Variants in MAPKAPK5 observed in about 807,000 individuals in gnomAD.
MAPKAPK5 encodes MAP kinase-activated protein kinase 5.
A neutral mutation model predicts 65.1 loss-of-function variants in MAPKAPK5; 30 were observed. The ratio of observed to expected loss-of-function variants is 0.46; its 90% confidence interval spans 0.34 to 0.63. MAPKAPK5 has a LOEUF of 0.63. Ranked by LOEUF, MAPKAPK5 falls within the 20% of genes least tolerant of loss-of-function variation. The pLI is 0.01. For missense variants in MAPKAPK5, 433 were observed against 581.4 expected (o/e 0.74, Z 2.63); for synonymous variants, 179 against 204.6 (o/e 0.87, Z 1.07).
At chr12:111,884,892 T>C (rs1472379244) in intron 9 of MAPKAPK5, among the ~76,000 whole-genome samples, 2 of 152,042 alleles carry the variant, frequency 1.3e-5, no homozygotes, top group Non-Finnish European at 2.9e-5. Context: ...AAGGTGGGGG[T>C]TGGGGGCAGG....
In MAPKAPK5 at chr12:111,883,964, C is replaced by T. The variant is rs948293638; in HGVS notation, c.848+196C>T. On this transcript the variant is annotated intron_variant, in intron 9 of 13. Coordinates refer to ENST00000550735, the MANE Select transcript of MAPKAPK5 (RefSeq NM_003668.4). The surrounding 1 kb of genome is among the most constrained non-coding windows in gnomAD (Gnocchi z 4.8). Reference sequence around the variant, plus strand: ...GGTGCGAATGAAGCTTTCCTCCCTCCTGTTGCATCCCTAGACTTTGTCCCC... The same window carrying T: ...GGTGCGAATGAAGCTTTCCTCCCTCTTGTTGCATCCCTAGACTTTGTCCCC... Among the ~76,000 whole-genome samples the T allele has an allele frequency of 2.0e-5, 3 of 152,226 alleles. No individual in the cohort carries two copies. Among genetic ancestry groups the T allele is most frequent in the Non-Finnish European group, 4.4e-5 (3 of 68,040 alleles).
rs1471493979 is a variant in MAPKAPK5 at position 111,901,306 on chromosome 12, G to A, written c.*8245G>A. 2 of 455,944 alleles carry A rather than the reference G, an allele frequency of 4.4e-6. No homozygotes were observed. The highest frequency in any genetic ancestry group is 8.8e-6 in the Non-Finnish European group (2 of 226,814). 28.2% of individuals were successfully genotyped at this position (455,944 alleles called of 1,614,324 possible). ...GGAGTTTGTAATGATTTAGGGCACTGCCACTGTAATGAAGGGCATGCCCCC... is the reference window on the plus strand; with the variant it reads ...GGAGTTTGTAATGATTTAGGGCACTACCACTGTAATGAAGGGCATGCCCCC... On this transcript the variant is annotated 3_prime_UTR_variant, in exon 14 of 14. Coordinates refer to ENST00000550735, the MANE Select transcript of MAPKAPK5 (RefSeq NM_003668.4).
At chr12:111,850,797 T>C (rs919613366) in intron 1 of MAPKAPK5, among the ~76,000 whole-genome samples, 6 of 152,174 alleles carry the variant, frequency 3.9e-5, no homozygotes, top group African/African-American at 1.4e-4. Flanking sequence ...ACTACCCTGG[T>C]CTATAAAGCT....
chr12:111,847,580 A>G lies in MAPKAPK5; in HGVS notation c.36+4811A>G, dbSNP rs114014900. Among the ~76,000 whole-genome samples the G allele has an allele frequency of 2.7e-3, 405 of 152,246 alleles. 6 individuals carry two copies. Among genetic ancestry groups the G allele is most frequent in the African/African-American group, 9.5e-3 (396 of 41,536 alleles). On this transcript the variant is annotated intron_variant, in intron 1 of 13. Transcript: ENST00000550735. ...TATTTGATGGAGTTTGTGAAAATCCATTTCCTTAGTTTTTAAAATTAAAAA... is the reference window on the plus strand; with the variant it reads ...TATTTGATGGAGTTTGTGAAAATCCGTTTCCTTAGTTTTTAAAATTAAAAA...
intron 1 of MAPKAPK5, among the ~76,000 whole-genome samples, chr12:111,849,144 C>A (rs1437736057): frequency 6.6e-6 from 1 of 151,604 alleles, no homozygotes; most frequent in Non-Finnish European, 1.5e-5. Context: ...TGGGGTCTCA[C>A]AATGTTGCCC....
chr12:111,863,484 A>G (rs1043503041), intron 1 of MAPKAPK5, among the ~76,000 whole-genome samples: 2 of 152,156 alleles, frequency 1.3e-5, no homozygotes, highest in Non-Finnish European at 2.9e-5. Flanking sequence ...CTAGCTGCTC[A>G]GTGAGTGTGT....
intron 1 of MAPKAPK5, among the ~76,000 whole-genome samples, chr12:111,853,947 A>G (rs1020107855): frequency 1.3e-5 from 2 of 152,090 alleles, no homozygotes; most frequent in African/African-American, 2.4e-5. Context: ...GTATATGGTA[A>G]TATTACGTTA....
At chr12:111,889,323 TG>T in intron 12 of MAPKAPK5, 1 of 260,618 alleles carries the variant, frequency 3.8e-6, no homozygotes, top group Non-Finnish European at 7.4e-6. Flanking sequence ...GGTTGGGGGA[TG>T]GAGAATGGAA....
At chr12:111,855,137 A>T (rs887725874) in intron 1 of MAPKAPK5, among the ~76,000 whole-genome samples, 1 of 152,046 alleles carries the variant, frequency 6.6e-6, no homozygotes, top group Non-Finnish European at 1.5e-5. Context: ...TTTCCTTTCT[A>T]ATATTAATAA....
chr12:111,857,544 G>A (rs931957475), intron 1 of MAPKAPK5, among the ~76,000 whole-genome samples: 1 of 152,166 alleles, frequency 6.6e-6, no homozygotes, highest in Non-Finnish European at 1.5e-5. Flanking sequence ...GTGAGCCACC[G>A]TGCCCGGCCT....
At chr12:111,845,451 C>G (rs531964604) in intron 1 of MAPKAPK5, among the ~76,000 whole-genome samples, 6 of 152,256 alleles carry the variant, frequency 3.9e-5, no homozygotes, top group African/African-American at 1.4e-4. Flanking sequence ...CTACCACGCC[C>G]AGCCCAGCGT....
At chr12:111,858,023 C>G (rs544560630) in intron 1 of MAPKAPK5, among the ~76,000 whole-genome samples, 164 of 152,038 alleles carry the variant, frequency 1.1e-3, no homozygotes, top group African/African-American at 3.9e-3. Context: ...CTCAGCCTAC[C>G]CAGTAGCTGG....
chr12:111,870,211 C>T, intron 5 of MAPKAPK5, 60 bp from the exon 6 acceptor site: 1 of 1,171,654 alleles, frequency 8.5e-7, no homozygotes, highest in Non-Finnish European at 1.2e-6. Context: ...TTCTCTACGC[C>T]AGGTGTATTA....
chr12:111,864,581 A>G (rs1593146587), intron 1 of MAPKAPK5, among the ~76,000 whole-genome samples: 1 of 152,248 alleles, frequency 6.6e-6, no homozygotes, highest in South Asian at 2.1e-4. Context: ...ACAGAGGCTA[A>G]CATGCAATAG....
rs767203103 is a variant in MAPKAPK5, at chr12:111,901,497, ATATTAT to A, written c.*8442_*8447del. On this transcript the variant is annotated 3_prime_UTR_variant, in exon 14 of 14. Coordinates refer to ENST00000550735, the MANE Select transcript of MAPKAPK5 (RefSeq NM_003668.4). ...ATTATCATTCATTATACTTTTTATAATATTATTATTAAGTACAATTATTTGATCTGC... is the reference window on the plus strand; with the variant it reads ...ATTATCATTCATTATACTTTTTATAATATTAAGTACAATTATTTGATCTGC... 7.5e-5 allele frequency: 32 copies of A among 425,632 alleles called. No homozygotes were observed. The highest frequency in any genetic ancestry group is 2.2e-4 in the East Asian group (3 of 13,800). The allele number at this position is 425,632 out of a possible 1,614,324, so 26.4% of individuals were successfully genotyped here.
chr12:111,890,096 CG>C lies in MAPKAPK5; in HGVS notation c.1276del (p.Glu426AsnfsTer5). ...AATGCAGGAGGCTTGGAAGTATAAC[CG>C]GGAATGCAAACTCCTAAGAGATACT... ...EVMQEAWKYN[R>X]ECKLLRDTLQ... On this transcript the variant is annotated frameshift_variant, in exon 13 of 14. Transcript: ENST00000550735. LOFTEE classifies it high-confidence loss of function. 1 of 1,599,702 alleles carries C rather than the reference CG, an allele frequency of 6.3e-7. No individual in the cohort carries two copies. Among genetic ancestry groups the C allele is most frequent in the Non-Finnish European group, 8.5e-7 (1 of 1,173,400 alleles).
Position 111,842,596 on chromosome 12 carries a change from C to T in MAPKAPK5, c.-138C>T. 2.0e-6 allele frequency: 1 copy of T among 496,214 alleles called. No individual in the cohort carries two copies. Among genetic ancestry groups the T allele is most frequent in the Non-Finnish European group, 3.3e-6 (1 of 302,392 alleles). The allele number at this position is 496,214 out of a possible 1,614,324, so 30.7% of individuals were successfully genotyped here. On this transcript the variant is annotated 5_prime_UTR_variant, in exon 1 of 14. Transcript: ENST00000550735. Reference sequence around the variant, plus strand: ...GCCGGCGCCGGGGTCCTCATCCCCACCGGTCCCGAGGGGCGGCTGCTGCCC... The same window carrying T: ...GCCGGCGCCGGGGTCCTCATCCCCATCGGTCCCGAGGGGCGGCTGCTGCCC...
intron 7 of MAPKAPK5, among the ~76,000 whole-genome samples, chr12:111,877,805 T>C (rs1388390858): frequency 6.6e-6 from 1 of 152,056 alleles, no homozygotes; most frequent in East Asian, 1.9e-4. Flanking sequence ...CTCAGCCTCC[T>C]TAGGAGCTGG....
intron 8 of MAPKAPK5, among the ~76,000 whole-genome samples, chr12:111,881,224 C>A (rs1436256293): frequency 1.3e-5 from 2 of 151,882 alleles, no homozygotes; most frequent in African/African-American, 4.8e-5. Context: ...TGGGTGCATG[C>A]CACCACACTC....
Sources: allele counts gnomAD v4.1 joint callset (sites outside exome capture counted in the v4.1 genomes callset), GRCh38; gene constraint gnomAD v4.1.1; non-coding constraint Gnocchi (gnomAD v3.1); transcripts MANE v1.5; gene names NCBI Gene and HGNC (gene_info 2026-07-23, HGNC 2026-07-21).